CCDC148: variants seen among roughly 807,000 people sequenced by gnomAD.
CCDC148 encodes coiled-coil domain-containing protein 148.
In CCDC148, 89 loss-of-function variants were observed where a neutral mutation model predicts 85.7. That is an observed-to-expected ratio of 1.04 (90% CI 0.87 to 1.24). The LOEUF is 1.24. Ranked by LOEUF, CCDC148 falls within the 50% of genes most tolerant of loss-of-function variation. The probability of loss-of-function intolerance (pLI) is 0.00; values close to 1 mark genes in which losing one functional copy is unlikely to be tolerated. For synonymous variants in CCDC148, 230 were observed against 213.9 expected (o/e 1.08, Z -0.66); for missense variants, 692 against 671.7 (o/e 1.03, Z -0.33).
chr2:158,210,110 G>T (rs1053997723), intron 11 of CCDC148, among the ~76,000 whole-genome samples: 1 of 152,134 alleles, frequency 6.6e-6, no homozygotes, highest in Non-Finnish European at 1.5e-5. Context: ...TAAAGGGATG[G>T]AGGAATATTT....
chr2:158,311,822 T>C (rs943262745), intron 8 of CCDC148, among the ~76,000 whole-genome samples: 1 of 152,156 alleles, frequency 6.6e-6, no homozygotes, highest in East Asian at 1.9e-4. Context: ...GCCCTTCCCA[T>C]GCTATGCTCA....
At chr2:158,397,410 T>C (rs988633225) in intron 1 of CCDC148, among the ~76,000 whole-genome samples, 1 of 152,066 alleles carries the variant, frequency 6.6e-6, no homozygotes, top group African/African-American at 2.4e-5. Flanking sequence ...GGGAAGCCTA[T>C]CAGACTAACA....
At chr2:158,337,659 T>A (rs1393584605) in intron 7 of CCDC148, among the ~76,000 whole-genome samples, 1 of 152,090 alleles carries the variant, frequency 6.6e-6, no homozygotes, top group Admixed American at 6.6e-5. Context: ...AGGTGTGTGA[T>A]GTGGAGAAGC....
chr2:158,366,573 A>C (rs1684213600), intron 1 of CCDC148, among the ~76,000 whole-genome samples: 1 of 152,178 alleles, frequency 6.6e-6, no homozygotes. Flanking sequence ...TGCAGAGAAG[A>C]GCCTCGTCCA....
chr2:158,223,832 T>C (rs893043102), intron 10 of CCDC148, among the ~76,000 whole-genome samples: 23 of 152,118 alleles, frequency 1.5e-4, no homozygotes, highest in African/African-American at 5.5e-4. Flanking sequence ...GTCACCATCA[T>C]CAAAGACCAA....
chr2:158,363,881 T>C (rs1684078809), intron 1 of CCDC148, among the ~76,000 whole-genome samples: 1 of 152,202 alleles, frequency 6.6e-6, no homozygotes. Context: ...ATTGTCTCTG[T>C]TTGCAGATGA....
Position 158,290,983 on chromosome 2 carries a change from A to AT in CCDC148, c.1110+18449dup, listed in dbSNP as rs1383225274. On this transcript the variant is annotated intron_variant, in intron 9 of 13. Coordinates refer to ENST00000283233, the MANE Select transcript of CCDC148 (RefSeq NM_138803.4). ...CTCCTTTATCTCCACCTCTATCACC[A>AT]TCACTCTAGTTCAGACTACATCATC... 7.9e-5 allele frequency among the ~76,000 whole-genome samples: 12 copies of AT among 151,852 alleles called. No homozygotes were observed. The East Asian group carries it at 1.6e-3, about 20-fold the overall frequency.
In CCDC148 at chr2:158,288,985, C is replaced by T. The variant is rs189516463; in HGVS notation, c.1110+20448G>A. On this transcript the variant is annotated intron_variant, in intron 9 of 13. Coordinates refer to ENST00000283233, the MANE Select transcript of CCDC148 (RefSeq NM_138803.4). The stretch of plus-strand genomic sequence containing the variant: ...CAAAAGCGGAAACCCCTGATAAATC[C>T]ATCATATCTCATGAGACTTAGTCAC... 3.2e-4 allele frequency: 76 copies of T among 236,524 alleles called. No homozygotes were observed. In the East Asian group the frequency reaches 0.01, roughly 32 times the overall value. 14.7% of individuals were successfully genotyped at this position (236,524 alleles called of 1,614,324 possible).
At chr2:158,225,474 C>T (rs2105307142) in intron 10 of CCDC148, among the ~76,000 whole-genome samples, 1 of 152,262 alleles carries the variant, frequency 6.6e-6, no homozygotes, top group African/African-American at 2.4e-5. Flanking sequence ...ATCTACAGAA[C>T]TCTCCACCCC....
chr2:158,399,323 A>G (rs2602180), intron 1 of CCDC148, among the ~76,000 whole-genome samples: 5,389 of 152,244 alleles, frequency 0.035, 140 homozygotes, highest in African/African-American at 0.073. Flanking sequence ...CACACACACA[A>G]AAAGAGAATA....
At chr2:158,261,002 C>T (rs1689198381) in intron 9 of CCDC148, among the ~76,000 whole-genome samples, 1 of 100,794 alleles carries the variant, frequency 9.9e-6, no homozygotes, top group Admixed American at 1.3e-4. Context: ...CTTCACAGAA[C>T]TAAAAAAACT....
intron 11 of CCDC148, among the ~76,000 whole-genome samples, chr2:158,202,428 A>C (rs1263448262): frequency 6.6e-6 from 1 of 152,202 alleles, no homozygotes; most frequent in Non-Finnish European, 1.5e-5. Flanking sequence ...CCTTCATTTC[A>C]GTTAAGTTTT....
chr2:158,284,858 A>C lies in CCDC148; in HGVS notation c.1110+24575T>G, dbSNP rs182900298. On this transcript the variant is annotated intron_variant, in intron 9 of 13. Transcript: ENST00000283233. ...TATCACAAACAGATTATAAAACAAC[A>C]CTGCTTACTGTGTTCATGGAGATGA... 5.3e-5 allele frequency among the ~76,000 whole-genome samples: 8 copies of C among 152,288 alleles called. No homozygotes were observed. In the East Asian group the frequency reaches 1.5e-3, roughly 29 times the overall value.
chr2:158,173,463 T>C (rs760535379), intron 13 of CCDC148, among the ~76,000 whole-genome samples: 17 of 152,064 alleles, frequency 1.1e-4, no homozygotes, highest in Non-Finnish European at 1.9e-4. Flanking sequence ...ATGGGTCTGA[T>C]TGTAAGTTCA....
At chr2:158,297,836 T>C (rs773944098) in intron 9 of CCDC148, among the ~76,000 whole-genome samples, 2 of 152,218 alleles carry the variant, frequency 1.3e-5, no homozygotes, top group East Asian at 1.9e-4. Flanking sequence ...ACTGCCTTTG[T>C]GTGTGACCAC....
chr2:158,290,455 T>C (rs1247223873), intron 9 of CCDC148, among the ~76,000 whole-genome samples: 1 of 152,216 alleles, frequency 6.6e-6, no homozygotes, highest in Non-Finnish European at 1.5e-5. Context: ...ACTGTTCTAA[T>C]TGCTGTTCCT....
intron 11 of CCDC148, among the ~76,000 whole-genome samples, chr2:158,218,358 T>C (rs1236523760): frequency 6.6e-6 from 1 of 152,210 alleles, no homozygotes; most frequent in Non-Finnish European, 1.5e-5. Context: ...GACTAAAACC[T>C]TGGTCTCCTG....
chr2:158,266,536 T>A (rs1010327693), intron 9 of CCDC148, among the ~76,000 whole-genome samples: 1 of 152,160 alleles, frequency 6.6e-6, no homozygotes, highest in African/African-American at 2.4e-5. Context: ...ATAAGTTCTT[T>A]AGTGGTGATT....
chr2:158,387,337 T>C (rs2105293626), intron 1 of CCDC148, among the ~76,000 whole-genome samples: 1 of 152,288 alleles, frequency 6.6e-6, no homozygotes, highest in Admixed American at 6.5e-5. Flanking sequence ...CACTGATATC[T>C]CCAACTGCAA....
Sources: allele counts gnomAD v4.1 joint callset (sites outside exome capture counted in the v4.1 genomes callset), GRCh38; gene constraint gnomAD v4.1.1; transcripts MANE v1.5; gene names NCBI Gene and HGNC (gene_info 2026-07-23, HGNC 2026-07-21).